Variants in CRYM observed in about 807,000 individuals in gnomAD.
CRYM encodes the protein ketimine reductase mu-crystallin.
In CRYM, 18 loss-of-function variants were observed where a neutral mutation model predicts 32.9. The observed-to-expected ratio is 0.55, with a 90% confidence interval of 0.38 to 0.81. CRYM has a LOEUF of 0.81. CRYM is among the 30% of genes least tolerant of loss of function. The pLI is 0.00. For synonymous variants in CRYM, 153 were observed against 152.4 expected, an observed-to-expected ratio of 1.00 and a Z score of -0.03; for missense variants, 337 against 393.5, an observed-to-expected ratio of 0.86 and a Z score of 1.21.
upstream of CRYM, among the ~76,000 whole-genome samples, chr16:21,280,550 T>G (rs1841624013): frequency 6.6e-6 from 1 of 152,156 alleles, no homozygotes; most frequent in African/African-American, 2.4e-5. Context: ...TTTTAGAGTT[T>G]AGACACAACT....
chr16:21,258,730 A>C lies in CRYM; in HGVS notation c.*51T>G. 6.7e-7 allele frequency: 1 copy of C among 1,494,736 alleles called. No homozygotes were observed. 92.6% of individuals were successfully genotyped at this position (1,494,736 alleles called of 1,614,324 possible). ...CTCATTTACTCTAGAAATTATGAGA[A>C]CCAGCAGCAATATTCCTCAAGCATC... On this transcript the variant is annotated 3_prime_UTR_variant, in exon 8 of 8. Transcript: ENST00000572914.
intron 1 of CRYM, among the ~76,000 whole-genome samples, chr16:21,291,365 C>T (rs1222276095): frequency 6.6e-6 from 1 of 152,150 alleles, no homozygotes; most frequent in African/African-American, 2.4e-5. Flanking sequence ...CTACAAATCT[C>T]ATCAGAGCTA....
upstream of CRYM, among the ~76,000 whole-genome samples, chr16:21,279,128 G>A (rs551752100): frequency 2.6e-5 from 4 of 152,116 alleles, no homozygotes; most frequent in Non-Finnish European, 5.9e-5. Context: ...AGAAACCAAG[G>A]TCTGAAATAA....
At chr16:21,297,179 G>C (rs1224797882) in intron 1 of CRYM, among the ~76,000 whole-genome samples, 3 of 151,790 alleles carry the variant, frequency 2.0e-5, no homozygotes. Flanking sequence ...GATCACCTGA[G>C]GTCAGGAGTT....
intron 1 of CRYM, 76 bp downstream of exon 1, chr16:21,278,006 C>T: frequency 6.8e-7 from 1 of 1,461,854 alleles, no homozygotes; most frequent in Non-Finnish European, 9.2e-7. Context: ...TCCCTTCTCC[C>T]ACCCCTCCTC....
chr16:21,268,996 T>C (rs1328073363), intron 4 of CRYM, among the ~76,000 whole-genome samples: 1 of 151,942 alleles, frequency 6.6e-6, no homozygotes, highest in Admixed American at 6.6e-5. Flanking sequence ...ATACAAAAAT[T>C]AGCCAGGTGT....
In CRYM at chr16:21,267,595, ATGGGCTC is replaced by A. The variant is rs2093366614; in HGVS notation, c.625_631del (p.Glu209PhefsTer7). 9 of 1,613,938 alleles carry A rather than the reference ATGGGCTC, an allele frequency of 5.6e-6. No individual in the cohort carries two copies. Among genetic ancestry groups the A allele is most frequent in the Non-Finnish European group, 7.6e-6 (9 of 1,179,988 alleles). On this transcript the variant is annotated frameshift_variant, in exon 5 of 8. Coordinates refer to ENST00000572914, the MANE Select transcript of CRYM (RefSeq NM_001376256.1). LOFTEE classifies it high-confidence loss of function. Reference sequence around the variant, plus strand: ...TGGCTTCACCCATTCACCAAACAAAATGGGCTCTGTTGCCAGGGTGACTGTGATGATC... The same window carrying A: ...TGGCTTCACCCATTCACCAAACAAAATGTTGCCAGGGTGACTGTGATGATC...
chr16:21,302,948 T>G (rs527354992), intron 1 of CRYM: 1 of 155,344 alleles, frequency 6.4e-6, no homozygotes, highest in South Asian at 2.0e-4. Flanking sequence ...ACTGGGCAAT[T>G]TACAAAAGAA....
chr16:21,275,619 G>A (rs2093384721), intron 2 of CRYM, 25 bp from the exon 3 acceptor site: 1 of 1,591,460 alleles, frequency 6.3e-7, no homozygotes, highest in Middle Eastern at 1.7e-4. Context: ...GAGACAGTGA[G>A]CAAGGGGAAC....
chr16:21,272,921 G>GCCT (rs2093378992), intron 3 of CRYM, among the ~76,000 whole-genome samples: 2 of 139,062 alleles, frequency 1.4e-5, no homozygotes, highest in Non-Finnish European at 3.0e-5. Context: ...GCCTGCCTCA[G>GCCT]CCTCCCAAAG....
intron 1 of CRYM, among the ~76,000 whole-genome samples, chr16:21,286,687 A>C (rs965187989): frequency 6.6e-6 from 1 of 152,204 alleles, no homozygotes; most frequent in African/African-American, 2.4e-5. Context: ...AATATGACTC[A>C]AAGAAAGTCA....
intron 6 of CRYM, 106 bp downstream of exon 6, chr16:21,261,931 G>T: frequency 7.2e-7 from 1 of 1,397,460 alleles, no homozygotes. Context: ...GAGGTGGGGT[G>T]GCTGAGGTCT....
At chr16:21,288,826 C>T (rs1960539487) in intron 1 of CRYM, among the ~76,000 whole-genome samples, 1 of 151,960 alleles carries the variant, frequency 6.6e-6, no homozygotes, top group Non-Finnish European at 1.5e-5. Flanking sequence ...TCTAATTTCC[C>T]TTATGATTTT....
intron 1 of CRYM, among the ~76,000 whole-genome samples, chr16:21,301,988 T>A (rs1960955705): frequency 1.3e-5 from 2 of 152,216 alleles, no homozygotes; most frequent in African/African-American, 4.8e-5. Flanking sequence ...CTAGCCGCGA[T>A]GGGCGCGCAG....
intron 1 of CRYM, among the ~76,000 whole-genome samples, chr16:21,285,701 T>G (rs1361339867): frequency 6.6e-6 from 1 of 152,216 alleles, no homozygotes; most frequent in Non-Finnish European, 1.5e-5. Context: ...AATAACTATT[T>G]TGCCATAAAT....
intron 5 of CRYM, among the ~76,000 whole-genome samples, chr16:21,265,876 T>A (rs1328845125): frequency 6.6e-6 from 1 of 152,230 alleles, no homozygotes; most frequent in African/African-American, 2.4e-5. Context: ...CATTTAAAGC[T>A]TGGACTCTGA....
At chr16:21,289,013 G>C (rs1960544667) in intron 1 of CRYM, among the ~76,000 whole-genome samples, 1 of 151,980 alleles carries the variant, frequency 6.6e-6, no homozygotes, top group Non-Finnish European at 1.5e-5. Flanking sequence ...CCTAATTAAT[G>C]GTCTGTCCTG....
chr16:21,299,169 T>C (rs1382883685), intron 1 of CRYM, among the ~76,000 whole-genome samples: 1 of 152,188 alleles, frequency 6.6e-6, no homozygotes, highest in Non-Finnish European at 1.5e-5. Context: ...CTTATTGTGA[T>C]TATTCCTGTT....
chr16:21,278,429 C>G, upstream of CRYM: 2 of 727,134 alleles, frequency 2.8e-6, no homozygotes, highest in Non-Finnish European at 4.7e-6. Context: ...TCGCCCACCT[C>G]GACCCCTAAG....
Sources: gnomAD v4.1 joint callset for allele counts (sites outside exome capture counted in the v4.1 genomes callset) on GRCh38, gnomAD v4.1.1 for gene constraint, MANE v1.5 for transcripts, NCBI Gene and HGNC (gene_info 2026-07-23, HGNC 2026-07-21) for gene names.